REST: variants seen among roughly 807,000 people sequenced by gnomAD.
The protein encoded by REST is RE1-silencing transcription factor.
In REST, 1 loss-of-function variant was observed where a neutral mutation model predicts 30.4. The observed-to-expected ratio is 0.03, with a 90% CI of 0.01 to 0.16. The LOEUF is 0.16. REST is among the 10% of genes least tolerant of loss of function. The pLI is 1.00. For missense variants in REST, 1,259 were observed against 1,329.5 expected, an observed-to-expected ratio of 0.95 and a Z score of 0.82; for synonymous variants, 504 against 451.1, an observed-to-expected ratio of 1.12 and a Z score of -1.49.
rs370469314 is a variant in REST, at chr4:56,914,874, C to A, written c.898+3338C>A. 9.0e-4 allele frequency among the ~76,000 whole-genome samples: 124 copies of A among 137,186 alleles called. 4 individuals are homozygous for A. In the South Asian group the frequency reaches 0.03, roughly 33 times the overall value. 90.0% of individuals were successfully genotyped at this position (137,186 alleles called of 152,430 possible). Reference sequence around the variant, plus strand: ...TGGCCTGGTTTATTTGGTCTTAATGCTTATTTTTCCCCAGTATTACCTTCA... The same window carrying A: ...TGGCCTGGTTTATTTGGTCTTAATGATTATTTTTCCCCAGTATTACCTTCA... On this transcript the variant is annotated intron_variant, in intron 2 of 3. Coordinates refer to ENST00000309042, the MANE Select transcript of REST (RefSeq NM_005612.5).
rs756990828 is a variant in REST, at chr4:56,911,304, C to G, written c.666C>G (p.Gly222=). Residue 222 remains glycine, a synonymous_variant, in exon 2 of 4, where the codon GGC becomes GGG. Transcript: ENST00000309042. ...GCCCCATTCGCTGTGACCGCTGCGGCTACAATACTAATCGATATGATCACT... is the reference window on the plus strand; with the variant it reads ...GCCCCATTCGCTGTGACCGCTGCGGGTACAATACTAATCGATATGATCACT... The part of the protein sequence containing the change: ...SKGPIRCDRC[G]YNTNRYDHYT... 1 of 1,614,004 alleles carries G rather than the reference C, an allele frequency of 6.2e-7. No homozygotes were observed. The highest frequency in any genetic ancestry group is 1.3e-5 in the African/African-American group (1 of 74,880).
Position 56,931,337 on chromosome 4 carries a change from C to G in REST, c.2479C>G (p.Gln827Glu). The change falls in exon 4 of 4, where the codon CAG (glutamine) becomes GAG (glutamate). Residue 827 changes from glutamine to glutamate, a missense_variant. By Grantham distance (29) the Gln-to-Glu change is conservative (BLOSUM62 2). This residue lies in a region of REST where 856 missense variants were observed against 772.8 expected (regional missense o/e 1.11). Transcript: ENST00000309042. The stretch of plus-strand genomic sequence containing the variant: ...AGATAAAAAGGAAAAGTCTAACATG[C>G]AGAGTGAAAGGGCACGGAAGGAGCA... ...RKDKKEKSNMQSERARKEQVL... is the reference protein window; with the variant it reads ...RKDKKEKSNMESERARKEQVL... 2 of 1,614,230 alleles carry G rather than the reference C, an allele frequency of 1.2e-6. No individual in the cohort carries two copies. Among genetic ancestry groups the G allele is most frequent in the Non-Finnish European group, 1.7e-6 (2 of 1,180,042 alleles).
intron 2 of REST, among the ~76,000 whole-genome samples, chr4:56,917,825 G>T (rs1482223826): frequency 6.6e-6 from 1 of 152,064 alleles, no homozygotes; most frequent in African/African-American, 2.4e-5. Context: ...GCCGAGGTGA[G>T]TGGATCACGA....
At chr4:56,922,731 T>A (rs375139014) in intron 3 of REST, among the ~76,000 whole-genome samples, 3 of 152,260 alleles carry the variant, frequency 2.0e-5, no homozygotes, top group South Asian at 4.1e-4. Flanking sequence ...ACGACCTTTT[T>A]TCCTGTAGAA....
At position 56,930,230 on chromosome 4, in the gene REST, G is replaced by A. The variant is rs1465746551; in HGVS notation, c.1372G>A (p.Ala458Thr). 2.5e-6 allele frequency: 4 copies of A among 1,607,174 alleles called. No individual in the cohort carries two copies. The highest frequency in any genetic ancestry group is 1.7e-5 in the Admixed American group (1 of 58,392). The change falls in exon 4 of 4, where the codon GCT becomes ACT. Residue 458 changes from alanine to threonine, a missense_variant. Ala to Thr is a moderately conservative substitution (Grantham distance 58). This residue lies in a region of REST where 856 missense variants were observed against 772.8 expected (regional missense o/e 1.11). Coordinates refer to ENST00000309042, the MANE Select transcript of REST (RefSeq NM_005612.5). ...ACAAACAAAAATAAAAGGGGATGTG[G>A]CTGGAAAGAAAAATGAAAAGTCCGT... ...IEQTKIKGDV[A>T]GKKNEKSVKA...
Position 56,930,107 on chromosome 4 carries a change from A to C in REST, c.1249A>C (p.Asn417His), listed in dbSNP as rs539110951. The change falls in exon 4 of 4, where the codon AAT becomes CAT. Residue 417 changes from asparagine to histidine, a missense_variant. Coordinates refer to ENST00000309042, the MANE Select transcript of REST (RefSeq NM_005612.5). ...HFKSKHPTCP[N>H]KTMDVSKVKL... ...CAAATCTAAGCATCCTACTTGTCCT[A>C]ATAAAACAATGGATGTCTCAAAAGT... The C allele has an allele frequency of 1.2e-6, 2 of 1,613,840 alleles. No homozygotes were observed.
chr4:56,914,964 G>T (rs1286800483), intron 2 of REST, among the ~76,000 whole-genome samples: 1 of 115,708 alleles, frequency 8.6e-6, no homozygotes, highest in Admixed American at 1.2e-4. Context: ...TACTCTTGTC[G>T]CCCAGGGTGG....
chr4:56,922,026 T>C (rs1378343473), intron 3 of REST, among the ~76,000 whole-genome samples: 1 of 152,188 alleles, frequency 6.6e-6, no homozygotes, highest in Non-Finnish European at 1.5e-5. Context: ...GCTATGAAGG[T>C]GTCCTGTAGT....
intron 3 of REST, chr4:56,922,503 A>C (rs1720503973): frequency 6.6e-6 from 1 of 151,816 alleles, no homozygotes; most frequent in Non-Finnish European, 1.5e-5. Flanking sequence ...AGTAGAGATG[A>C]GGTTTCACCA....
In REST at chr4:56,931,027, G is replaced by A; in HGVS notation, c.2169G>A (p.Val723=). Residue 723 remains valine (V), a synonymous_variant, in exon 4 of 4, where the codon GTG becomes GTA. Transcript: ENST00000309042. The stretch of plus-strand genomic sequence containing the variant: ...AGGTAGAATCTGCTCCCATGCAGGT[G>A]GTCCAGAAGGAGCCTGTTCAGATGG... ...VAQVESAPMQ[V]VQKEPVQMEL... is the part of the protein sequence containing the mutation. 6.2e-7 allele frequency: 1 copy of A among 1,614,088 alleles called. No individual in the cohort carries two copies. The highest frequency in any genetic ancestry group is 8.5e-7 in the Non-Finnish European group (1 of 1,179,976).
chr4:56,932,178 C>T lies in REST; in HGVS notation c.*26C>T. 6.4e-7 allele frequency: 1 copy of T among 1,573,194 alleles called. No homozygotes were observed. Among genetic ancestry groups the T allele is most frequent in the Non-Finnish European group, 8.6e-7 (1 of 1,161,236 alleles). ...TGAAACTTTGAACAAGGTTTCAGTT[C>T]TTAGTTTGTAAGGTATATTACATTT... is the stretch of plus-strand genomic sequence containing the variant. On this transcript the variant is annotated 3_prime_UTR_variant, in exon 4 of 4. Transcript: ENST00000309042.
intron 3 of REST, among the ~76,000 whole-genome samples, chr4:56,922,555 C>T (rs943525853): frequency 9.2e-5 from 14 of 151,994 alleles, no homozygotes; most frequent in South Asian, 4.2e-4. Flanking sequence ...TCAGGTGATC[C>T]GCCTGCCTCA....
At chr4:56,920,749 A>C (rs35437996) in intron 3 of REST, among the ~76,000 whole-genome samples, 9,309 of 152,248 alleles carry the variant, frequency 0.061, 327 homozygotes, top group Middle Eastern at 0.095. Flanking sequence ...CTTGAAAAAA[A>C]AGTCCCTATT....
chr4:56,912,368 T>C (rs1719972170), intron 2 of REST, among the ~76,000 whole-genome samples: 1 of 144,380 alleles, frequency 6.9e-6, no homozygotes, highest in Non-Finnish European at 1.5e-5. Flanking sequence ...TTTGAGACAG[T>C]CTGGCTTTGT....
rs1037391182 is a variant in REST, at chr4:56,931,578, C to T, written c.2720C>T (p.Pro907Leu). ...VGAEEADESL[P>L]GLAANINEST... ...GCAGAAGAGGCAGATGAGAGCCTAC[C>T]TGGTCTTGCTGCTAATATCAACGAA... Residue 907 changes from proline to leucine, a missense_variant, in exon 4 of 4, where the codon CCT (proline) becomes CTT (leucine). Coordinates refer to ENST00000309042, the MANE Select transcript of REST (RefSeq NM_005612.5). 1.2e-6 allele frequency: 2 copies of T among 1,614,226 alleles called. No homozygotes were observed. Among genetic ancestry groups the T allele is most frequent in the Non-Finnish European group, 1.7e-6 (2 of 1,180,046 alleles).
At chr4:56,917,529 A>G (rs1025665590) in intron 2 of REST, among the ~76,000 whole-genome samples, 4 of 152,008 alleles carry the variant, frequency 2.6e-5, no homozygotes, top group East Asian at 3.9e-4. Flanking sequence ...TATTAGACAC[A>G]TTTGTTTCTG....
At chr4:56,919,267 T>C (rs1720340894) in intron 2 of REST, among the ~76,000 whole-genome samples, 1 of 152,166 alleles carries the variant, frequency 6.6e-6, no homozygotes, top group South Asian at 2.1e-4. Flanking sequence ...CAGGCTGGTC[T>C]GGAACTCTAC....
In REST at chr4:56,931,603, A is replaced by G. The variant is rs1447424075; in HGVS notation, c.2745A>G (p.Glu915=). The stretch of plus-strand genomic sequence containing the variant: ...CTGGTCTTGCTGCTAATATCAACGA[A>G]TCTACCCATATTTCATCCTCTGGAC... ...SLPGLAANIN[E]STHISSSGQN... is the part of the protein sequence containing the mutation. The change falls in exon 4 of 4, where the codon GAA becomes GAG. Residue 915 remains glutamate, a synonymous_variant. Transcript: ENST00000309042. 2 of 1,614,226 alleles carry G rather than the reference A, an allele frequency of 1.2e-6. No individual in the cohort carries two copies. Among genetic ancestry groups the G allele is most frequent in the Non-Finnish European group, 1.7e-6 (2 of 1,180,048 alleles).
intron 3 of REST, among the ~76,000 whole-genome samples, chr4:56,921,963 CAA>C (rs1235724780): frequency 2.0e-5 from 3 of 152,082 alleles, no homozygotes; most frequent in Admixed American, 1.3e-4. Context: ...GAGTTAGTAA[CAA>C]GACTTGATAA....
Sources: allele counts gnomAD v4.1 joint callset (sites outside exome capture counted in the v4.1 genomes callset), GRCh38; gene constraint gnomAD v4.1.1; regional missense constraint gnomAD v4.1.1; transcripts MANE v1.5; gene names NCBI Gene and HGNC (gene_info 2026-07-23, HGNC 2026-07-21).